The following DSCAM variants were observed in gnomAD, a reference collection of about 807,000 sequenced individuals.
DSCAM encodes DS cell adhesion molecule.
A neutral mutation model predicts 217.7 loss-of-function variants in DSCAM; 47 were observed. The ratio of observed to expected loss-of-function variants is 0.22; its 90% CI spans 0.17 to 0.28. DSCAM has a LOEUF of 0.28. Ranked by LOEUF, DSCAM falls within the 10% of genes least tolerant of loss-of-function variation. DSCAM has a pLI of 1.00. For missense variants in DSCAM, 2,080 were observed against 2,618.3 expected, an observed-to-expected ratio of 0.79 and a Z score of 4.49; for synonymous variants, 1,056 against 1,015.3, an observed-to-expected ratio of 1.04 and a Z score of -0.76.
intron 1 of DSCAM, among the ~76,000 whole-genome samples, chr21:40,824,994 T>C (rs2091956830): frequency 6.6e-6 from 1 of 152,244 alleles, no homozygotes; most frequent in Non-Finnish European, 1.5e-5. Context: ...ATGGTGGTCA[T>C]TATTGGGTAC....
Position 40,698,883 on chromosome 21 carries a change from A to AAC in DSCAM, c.362-5928_362-5927insGT, listed in dbSNP as rs1555881805. Reference sequence around the variant, plus strand: ...AGAATCCGTCTTAAAAAAAAAAAAAAAAAAAAAAAAAGAGTCGCTTCTGCT... The same window carrying AAC: ...AGAATCCGTCTTAAAAAAAAAAAAAAACAAAAAAAAAAAGAGTCGCTTCTGCT... On this transcript the variant is annotated intron_variant, in intron 2 of 32. Transcript: ENST00000400454. Among the ~76,000 whole-genome samples, 385 of 150,538 alleles carry AAC rather than the reference A, an allele frequency of 2.6e-3. 4 individuals carry two copies. The highest frequency in any genetic ancestry group is 8.5e-3 in the African/African-American group (348 of 40,890).
chr21:40,460,238 TG>T (rs2075795810), intron 3 of DSCAM, among the ~76,000 whole-genome samples: 1 of 152,034 alleles, frequency 6.6e-6, no homozygotes, highest in South Asian at 2.1e-4. Flanking sequence ...TATTTACCTA[TG>T]TAACAAACCT....
intron 11 of DSCAM, among the ~76,000 whole-genome samples, chr21:40,250,447 A>T (rs2073287462): frequency 6.6e-6 from 1 of 152,246 alleles, no homozygotes; most frequent in South Asian, 2.1e-4. Context: ...ATTTAGCTTG[A>T]TGCATCTTCT....
intron 1 of DSCAM, among the ~76,000 whole-genome samples, chr21:40,764,561 A>G (rs1382484236): frequency 6.6e-6 from 1 of 152,208 alleles, no homozygotes; most frequent in African/African-American, 2.4e-5. Flanking sequence ...AAGGATCTAG[A>G]ACCAGAAACA....
At chr21:40,670,603 T>C (rs114765049) in intron 3 of DSCAM, among the ~76,000 whole-genome samples, 2,182 of 152,276 alleles carry the variant, frequency 0.014, 68 homozygotes, top group African/African-American at 0.049. Context: ...TTTGTCTTTT[T>C]GTGACACGCT....
chr21:40,018,252 G>A (rs9980650), intron 32 of DSCAM, among the ~76,000 whole-genome samples: 38,827 of 151,990 alleles, frequency 0.26, 5,800 homozygotes, highest in Middle Eastern at 0.37. Flanking sequence ...CCAGTCTTGC[G>A]ATTTGTAGTT....
intron 3 of DSCAM, among the ~76,000 whole-genome samples, chr21:40,509,769 T>C (rs1410662410): frequency 6.6e-6 from 1 of 152,214 alleles, no homozygotes; most frequent in Non-Finnish European, 1.5e-5. Flanking sequence ...ATACATGCAT[T>C]CTGAAACCAA....
intron 1 of DSCAM, among the ~76,000 whole-genome samples, chr21:40,828,436 G>A (rs960221638): frequency 2.6e-5 from 4 of 151,982 alleles, no homozygotes; most frequent in African/African-American, 4.8e-5. Flanking sequence ...TGCTGTGAAC[G>A]GGATAAATTC....
intron 3 of DSCAM, among the ~76,000 whole-genome samples, chr21:40,484,187 C>T (rs1365443043): frequency 6.6e-6 from 1 of 152,312 alleles, no homozygotes; most frequent in East Asian, 1.9e-4. Context: ...CCAGAGGCTT[C>T]CCGAATATTT....
chr21:40,676,894 C>T (rs879759842), intron 3 of DSCAM, among the ~76,000 whole-genome samples: 15 of 152,042 alleles, frequency 9.9e-5, no homozygotes, highest in Admixed American at 6.6e-4. Flanking sequence ...CACGTGCATC[C>T]GGGCCTCGTG....
At chr21:40,169,431 C>T (rs974679419) in intron 15 of DSCAM, among the ~76,000 whole-genome samples, 42 of 152,004 alleles carry the variant, frequency 2.8e-4, no homozygotes, top group African/African-American at 9.7e-4. Context: ...GGCACTAAGG[C>T]GCTCTATCAA....
intron 32 of DSCAM, among the ~76,000 whole-genome samples, chr21:40,017,453 G>A (rs1353560979): frequency 6.6e-6 from 1 of 152,170 alleles, no homozygotes; most frequent in Non-Finnish European, 1.5e-5. Context: ...AGCGACACTG[G>A]ACTGGGCTCA....
chr21:40,683,627 G>A (rs981238941), intron 3 of DSCAM, among the ~76,000 whole-genome samples: 11 of 152,086 alleles, frequency 7.2e-5, no homozygotes, highest in African/African-American at 9.7e-5. Flanking sequence ...CTAGAACGCC[G>A]GAGCAGGTAA....
Position 40,708,562 on chromosome 21 carries a change from G to A in DSCAM, c.253C>T (p.Pro85Ser), listed in dbSNP as rs780963598. 3 of 1,602,272 alleles carry A rather than the reference G, an allele frequency of 1.9e-6. No individual in the cohort carries two copies. The highest frequency in any genetic ancestry group is 2.6e-6 in the Non-Finnish European group (3 of 1,172,966). The stretch of plus-strand genomic sequence containing the variant: ...GTACTGAAGCTTGAAGGAGGGAAGG[G>A]GAAAATTTGGAGAGTGCCGTTGGGG... ...VHPNGTLQIF[P>S]FPPSSFSTLI... Residue 85 changes from proline to serine, a missense_variant, in exon 2 of 33, where the codon CCC becomes TCC. By Grantham distance (74) the Pro-to-Ser change is moderately conservative (BLOSUM62 -1). Transcript: ENST00000400454.
At chr21:40,574,219 AAAG>A (rs1346654777) in intron 3 of DSCAM, among the ~76,000 whole-genome samples, 5 of 152,220 alleles carry the variant, frequency 3.3e-5, no homozygotes, top group Non-Finnish European at 7.3e-5. Flanking sequence ...TCCAATACAC[AAAG>A]ATCTATTAAA....
At chr21:40,577,527 A>G (rs1348603240) in intron 3 of DSCAM, among the ~76,000 whole-genome samples, 1 of 152,104 alleles carries the variant, frequency 6.6e-6, no homozygotes, top group Non-Finnish European at 1.5e-5. Flanking sequence ...TGGCGTTAAT[A>G]TCTTGCTGGG....
chr21:40,456,834 A>G (rs141589546), intron 3 of DSCAM, among the ~76,000 whole-genome samples: 1,857 of 152,292 alleles, frequency 0.012, 48 homozygotes, highest in Non-Finnish European at 0.013. Flanking sequence ...ATATTTCTAT[A>G]TATTTATGAC....
intron 3 of DSCAM, among the ~76,000 whole-genome samples, chr21:40,380,080 T>C (rs1056851487): frequency 6.6e-6 from 1 of 152,256 alleles, no homozygotes; most frequent in African/African-American, 2.4e-5. Context: ...CACTAAGACA[T>C]TTCTTTTATG....
intron 9 of DSCAM, among the ~76,000 whole-genome samples, chr21:40,310,234 G>T (rs1275038354): frequency 6.6e-6 from 1 of 152,174 alleles, no homozygotes; most frequent in African/African-American, 2.4e-5. Flanking sequence ...CAGAGATCTG[G>T]AAGATGGATT....
Sources: gnomAD v4.1 joint callset for allele counts (sites outside exome capture counted in the v4.1 genomes callset) on GRCh38, gnomAD v4.1.1 for gene constraint, MANE v1.5 for transcripts, NCBI Gene and HGNC (gene_info 2026-07-23, HGNC 2026-07-21) for gene names.